The following FGF14 variants were observed in gnomAD, a reference collection of about 807,000 sequenced individuals.
FGF14 encodes fibroblast growth factor homologous factor 4.
A neutral mutation model predicts 25.5 loss-of-function variants in FGF14; 5 were observed. That is an observed-to-expected ratio of 0.20 (90% CI 0.10 to 0.41). The LOEUF is 0.41. Ranked by LOEUF, FGF14 falls within the 10% of genes least tolerant of loss-of-function variation. The pLI, the probability that FGF14 is intolerant of heterozygous loss-of-function variation, is 1.00. For synonymous variants in FGF14, 138 were observed against 118.3 expected (o/e 1.17, Z -1.08); for missense variants, 222 against 320.1 (o/e 0.69, Z 2.34).
intron 3 of FGF14, among the ~76,000 whole-genome samples, chr13:101,815,024 G>A (rs1332432606): frequency 6.6e-6 from 1 of 152,206 alleles, no homozygotes; most frequent in Non-Finnish European, 1.5e-5. Context: ...GTACCAACAA[G>A]GTGGGTATCT....
intron 1 of FGF14, among the ~76,000 whole-genome samples, chr13:102,353,014 A>T (rs1399393306): frequency 6.6e-6 from 1 of 152,108 alleles, no homozygotes; most frequent in Non-Finnish European, 1.5e-5. Context: ...ATCTTCTATA[A>T]ACACTATGTG....
At chr13:102,170,789 T>C (rs1309149345) in intron 1 of FGF14, among the ~76,000 whole-genome samples, 1 of 152,214 alleles carries the variant, frequency 6.6e-6, no homozygotes, top group East Asian at 1.9e-4. Flanking sequence ...AGGTAGGGAC[T>C]GTTTTTCTTC....
At chr13:101,899,174 ACTGGAATCTT>A (rs1431258927) in intron 1 of FGF14, among the ~76,000 whole-genome samples, 1 of 150,738 alleles carries the variant, frequency 6.6e-6, no homozygotes, top group African/African-American at 2.5e-5. Context: ...ACTACAGTAA[ACTGGAATCTT>A]CTGCCCCAAC....
At chr13:101,924,784 G>T (rs2034253826) in intron 1 of FGF14, among the ~76,000 whole-genome samples, 2 of 152,156 alleles carry the variant, frequency 1.3e-5, no homozygotes, top group Non-Finnish European at 2.9e-5. Flanking sequence ...CTATGAAGTG[G>T]AAGAACAAGA....
intron 3 of FGF14, among the ~76,000 whole-genome samples, chr13:101,823,851 T>G (rs1034395577): frequency 1.3e-5 from 2 of 149,556 alleles, no homozygotes; most frequent in Non-Finnish European, 3.0e-5. Context: ...TATCTATATT[T>G]AGTATAAATA....
At chr13:101,887,493 G>A (rs2046053784) in intron 1 of FGF14, among the ~76,000 whole-genome samples, 1 of 152,020 alleles carries the variant, frequency 6.6e-6, no homozygotes, top group African/African-American at 2.4e-5. Context: ...AGTGAAATAA[G>A]GCACAGAAAG....
intron 1 of FGF14, among the ~76,000 whole-genome samples, chr13:101,880,778 A>G (rs567395561): frequency 2.0e-5 from 3 of 152,296 alleles, no homozygotes; most frequent in Admixed American, 2.0e-4. Flanking sequence ...AAAATAACCT[A>G]CCACGGTGCT....
intron 1 of FGF14, among the ~76,000 whole-genome samples, chr13:102,186,961 A>C (rs909157496): frequency 3.9e-5 from 6 of 152,162 alleles, no homozygotes; most frequent in African/African-American, 1.2e-4. Context: ...TCAGAGTTAC[A>C]TACATAATCC....
intron 3 of FGF14, among the ~76,000 whole-genome samples, chr13:101,804,140 C>T (rs145021647): frequency 2.6e-5 from 4 of 151,840 alleles, no homozygotes; most frequent in Non-Finnish European, 4.4e-5. Flanking sequence ...TCTATGTCTA[C>T]GGTTACTTCA....
At chr13:102,196,957 G>T (rs784213) in intron 1 of FGF14, among the ~76,000 whole-genome samples, 104,396 of 149,576 alleles carry the variant, frequency 0.7, 37,284 homozygotes, top group African/African-American at 0.86. Context: ...TGTTTTTTTG[G>T]TTTTTTTTTT....
intron 1 of FGF14, among the ~76,000 whole-genome samples, chr13:102,242,932 C>T (rs2051676016): frequency 6.6e-6 from 1 of 152,106 alleles, no homozygotes; most frequent in Non-Finnish European, 1.5e-5. Flanking sequence ...ACTATATTTC[C>T]AGGCCTCCTT....
intron 1 of FGF14, among the ~76,000 whole-genome samples, chr13:102,125,412 G>C (rs2045911636): frequency 6.6e-6 from 1 of 152,148 alleles, no homozygotes; most frequent in African/African-American, 2.4e-5. Context: ...ATTCTGCTAT[G>C]CATCATCATT....
chr13:102,394,997 C>G (rs2058543958), intron 1 of FGF14: 3 of 152,586 alleles, frequency 2.0e-5, no homozygotes, highest in Admixed American at 6.5e-5. Context: ...AGCCCGAGGC[C>G]ACAGCGGCCC....
At chr13:102,274,687 C>A (rs546602599) in intron 1 of FGF14, among the ~76,000 whole-genome samples, 2 of 152,146 alleles carry the variant, frequency 1.3e-5, no homozygotes, top group African/African-American at 4.8e-5. Context: ...TTCAAACCCA[C>A]ACATACACAC....
chr13:102,126,819 T>C (rs1397246107), intron 1 of FGF14, among the ~76,000 whole-genome samples: 3 of 152,210 alleles, frequency 2.0e-5, no homozygotes, highest in Non-Finnish European at 4.4e-5. Flanking sequence ...AGCCACATTC[T>C]ACCAAGAAGA....
intron 1 of FGF14, among the ~76,000 whole-genome samples, chr13:102,063,413 G>T (rs753104918): frequency 6.6e-6 from 1 of 152,140 alleles, no homozygotes; most frequent in Non-Finnish European, 1.5e-5. Context: ...TCAGGAGTTT[G>T]AGACCAGCCT....
intron 1 of FGF14, chr13:102,373,281 T>C (rs2139121008): frequency 6.6e-6 from 1 of 152,328 alleles, no homozygotes; most frequent in African/African-American, 2.4e-5. Flanking sequence ...TCAGTATATT[T>C]GAAATTTTCT....
intron 1 of FGF14, among the ~76,000 whole-genome samples, chr13:101,896,453 TC>T (rs1414308768): frequency 6.6e-5 from 10 of 152,118 alleles, no homozygotes; most frequent in African/African-American, 2.4e-4. Context: ...ATGGGTCATA[TC>T]CGCAGACTTT....
intron 1 of FGF14, among the ~76,000 whole-genome samples, chr13:102,154,952 A>C (rs2047259358): frequency 6.6e-6 from 1 of 152,212 alleles, no homozygotes; most frequent in African/African-American, 2.4e-5. Context: ...CAATTCAACA[A>C]GAAGAGCTAA....
Sources: allele counts gnomAD v4.1 joint callset (sites outside exome capture counted in the v4.1 genomes callset), GRCh38; gene constraint gnomAD v4.1.1; transcripts MANE v1.5; gene names NCBI Gene and HGNC (gene_info 2026-07-23, HGNC 2026-07-21).